IGHMBP2: variants seen among roughly 807,000 people sequenced by gnomAD.
IGHMBP2 encodes the protein DNA-binding protein SMUBP-2.
A neutral mutation model predicts 96.0 loss-of-function variants in IGHMBP2; 81 were observed. The observed-to-expected ratio is 0.84, with a 90% CI of 0.71 to 1.01. IGHMBP2 has a LOEUF of 1.01. IGHMBP2 is among the 50% of genes least tolerant of loss of function. IGHMBP2 has a pLI of 0.00. For synonymous variants in IGHMBP2, 557 were observed against 548.9 expected, an observed-to-expected ratio of 1.01 and a Z score of -0.21; for missense variants, 1,227 against 1,306.3, an observed-to-expected ratio of 0.94 and a Z score of 0.94.
chr11:68,933,658 C>G (rs1859406432), intron 9 of IGHMBP2, 137 bp from the exon 10 acceptor site: 2 of 990,082 alleles, frequency 2.0e-6, no homozygotes, highest in Admixed American at 4.0e-5. Flanking sequence ...CCCGCTCCCT[C>G]CCTTCTGATG....
At chr11:68,927,357 C>A (rs969558991) in intron 7 of IGHMBP2, among the ~76,000 whole-genome samples, 4 of 152,220 alleles carry the variant, frequency 2.6e-5, no homozygotes, top group Non-Finnish European at 5.9e-5. Flanking sequence ...CCCTGAACTC[C>A]TGGAGCCATA....
chr11:68,939,907 G>A lies in IGHMBP2; in HGVS notation c.*176G>A. ...GACCCCAGGGATAAGCTTTTCCGAT[G>A]TCACAATGTGGAGGAAAGCACCTGG... On this transcript the variant is annotated 3_prime_UTR_variant, in exon 15 of 15. Coordinates refer to ENST00000255078, the MANE Select transcript of IGHMBP2 (RefSeq NM_002180.3). The A allele has an allele frequency of 1.5e-6, 1 of 654,246 alleles. No homozygotes were observed. Among genetic ancestry groups the A allele is most frequent in the Non-Finnish European group, 2.6e-6 (1 of 377,734 alleles). 40.5% of individuals were successfully genotyped at this position (654,246 alleles called of 1,614,324 possible). A position where few individuals can be genotyped will look rare whatever the true frequency, so the allele number is the denominator to read the frequency against.
chr11:68,920,097 C>G (rs1858824852), intron 7 of IGHMBP2, among the ~76,000 whole-genome samples: 1 of 152,180 alleles, frequency 6.6e-6, no homozygotes, highest in Admixed American at 6.5e-5. Flanking sequence ...TCACCATTCT[C>G]CTGTCTGTTT....
At position 68,933,315 on chromosome 11, in the gene IGHMBP2, C is replaced by T; in HGVS notation, c.1252C>T (p.Leu418=). The T allele has an allele frequency of 6.2e-7, 1 of 1,612,912 alleles. No homozygotes were observed. The highest frequency in any genetic ancestry group is 8.5e-7 in the Non-Finnish European group (1 of 1,179,884). Residue 418 remains leucine, a synonymous_variant, in exon 9 of 15, where the codon CTG becomes TTG. Transcript: ENST00000255078. ...TVSHKAALAG[L]SLSLMERLAE... ...TGGGCGCAGGGCTGCGCTGGCAGGA[C>T]TGTCACTCAGCCTGATGGAACGCCT...
At chr11:68,911,128 C>T (rs1184611469) in intron 4 of IGHMBP2, among the ~76,000 whole-genome samples, 1 of 152,024 alleles carries the variant, frequency 6.6e-6, no homozygotes. Flanking sequence ...ACTCTGTGGG[C>T]CATATCATAC....
chr11:68,919,242 TCCTC>T (rs1858789566), intron 7 of IGHMBP2, among the ~76,000 whole-genome samples: 4 of 142,556 alleles, frequency 2.8e-5, no homozygotes, highest in Non-Finnish European at 4.6e-5. Context: ...TCCTCTCCTC[TCCTC>T]TCCTCTCTTC....
intron 14 of IGHMBP2, 112 bp downstream of exon 14, chr11:68,938,466 A>G (rs2154009152): frequency 3.3e-6 from 3 of 919,462 alleles, no homozygotes; most frequent in Non-Finnish European, 3.3e-6. Context: ...AGCTCCTTAC[A>G]ATCTCCAGAT....
At chr11:68,931,829 A>T (rs1001340193) in intron 8 of IGHMBP2, among the ~76,000 whole-genome samples, 2 of 152,062 alleles carry the variant, frequency 1.3e-5, no homozygotes, top group Admixed American at 1.3e-4. Flanking sequence ...GGAAGTTTGG[A>T]ACTGTGCCCT....
Position 68,911,557 on chromosome 11 carries a change from C to T in IGHMBP2, c.665C>T (p.Thr222Met), listed in dbSNP as rs745416724. Residue 222 changes from threonine to methionine, a missense_variant, in exon 5 of 15, where the codon ACG becomes ATG. By Grantham distance (81) the Thr-to-Met change is moderately conservative. Coordinates refer to ENST00000255078, the MANE Select transcript of IGHMBP2 (RefSeq NM_002180.3). Reference sequence around the variant, plus strand: ...GGACCTCCTGGCACTGGGAAAACCACGACTGTGGTTGAGATCATTCTTCAA... The same window carrying T: ...GGACCTCCTGGCACTGGGAAAACCATGACTGTGGTTGAGATCATTCTTCAA... ...IHGPPGTGKTTTVVEIILQAV... is the reference protein window; with the variant it reads ...IHGPPGTGKTMTVVEIILQAV... 9.3e-6 allele frequency: 15 copies of T among 1,614,184 alleles called. 1 individual carries two copies. Among genetic ancestry groups the T allele is most frequent in the Middle Eastern group, 1.7e-4 (1 of 6,058 alleles).
At chr11:68,923,384 G>T (rs1301319674) in intron 7 of IGHMBP2, among the ~76,000 whole-genome samples, 1 of 151,934 alleles carries the variant, frequency 6.6e-6, no homozygotes, top group African/African-American at 2.4e-5. Context: ...TGTATTTTTA[G>T]TAGAGGCGAG....
Position 68,911,578 on chromosome 11 carries a change from T to G in IGHMBP2, c.686T>G (p.Leu229Arg), listed in dbSNP as rs2154006946. Residue 229 changes from leucine to arginine, a missense_variant, in exon 5 of 15, where the codon CTT (leucine) becomes CGT (arginine). Leu to Arg is a moderately radical substitution (Grantham distance 102). This residue lies in a region of IGHMBP2 where 507 missense variants were observed against 496.9 expected (regional missense o/e 1.02). Transcript: ENST00000255078. Reference protein sequence around the residue: ...GKTTTVVEIILQAVKQGLKVL... With the variant: ...GKTTTVVEIIRQAVKQGLKVL... ...ACCACGACTGTGGTTGAGATCATTCTTCAAGCTGTGAAACAAGGCTTAAAG... is the reference window on the plus strand; with the variant it reads ...ACCACGACTGTGGTTGAGATCATTCGTCAAGCTGTGAAACAAGGCTTAAAG... 12 of 1,614,256 alleles carry G rather than the reference T, an allele frequency of 7.4e-6. No homozygotes were observed. Among genetic ancestry groups the G allele is most frequent in the Non-Finnish European group, 1.0e-5 (12 of 1,180,048 alleles).
chr11:68,922,361 TA>T (rs1226561879), intron 7 of IGHMBP2, among the ~76,000 whole-genome samples: 2 of 152,100 alleles, frequency 1.3e-5, no homozygotes, highest in Non-Finnish European at 2.9e-5. Flanking sequence ...TCACTGGTTT[TA>T]AGCAATTTGA....
intron 4 of IGHMBP2, among the ~76,000 whole-genome samples, chr11:68,910,625 T>C (rs1858391218): frequency 6.6e-6 from 1 of 152,218 alleles, no homozygotes; most frequent in African/African-American, 2.4e-5. Context: ...GGCTCACACC[T>C]TTAGTCCCAG....
chr11:68,908,414 CAA>C, intron 3 of IGHMBP2, 77 bp downstream of exon 3: 1 of 1,495,330 alleles, frequency 6.7e-7, no homozygotes, highest in Non-Finnish European at 9.3e-7. Context: ...GCCTGTCGCA[CAA>C]AAGAGAGCAA....
At chr11:68,925,291 G>A (rs534815175) in intron 7 of IGHMBP2, among the ~76,000 whole-genome samples, 172 of 151,960 alleles carry the variant, frequency 1.1e-3, no homozygotes, top group Non-Finnish European at 2.1e-3. Context: ...GATTGCAGGC[G>A]CATGCCACCA....
At chr11:68,931,461 G>C (rs761993710) in intron 8 of IGHMBP2, among the ~76,000 whole-genome samples, 26 of 152,154 alleles carry the variant, frequency 1.7e-4, no homozygotes, top group Non-Finnish European at 3.1e-4. Flanking sequence ...GATCCTACCT[G>C]TTCCCGGCTC....
intron 7 of IGHMBP2, among the ~76,000 whole-genome samples, chr11:68,925,397 C>T (rs1859029335): frequency 6.6e-6 from 1 of 152,070 alleles, no homozygotes; most frequent in African/African-American, 2.4e-5. Flanking sequence ...GATGTGCCCA[C>T]CTTGGCCTCC....
intron 8 of IGHMBP2, chr11:68,933,047 A>C: frequency 1.8e-6 from 1 of 560,866 alleles, no homozygotes; most frequent in Non-Finnish European, 3.2e-6. Context: ...TCCCCATCCC[A>C]GGATCCTTAA....
chr11:68,908,747 C>T (rs1858301583), intron 4 of IGHMBP2, 116 bp downstream of exon 4: 1 of 737,644 alleles, frequency 1.4e-6, no homozygotes, highest in Admixed American at 2.1e-5. Flanking sequence ...AAGAAGTCTC[C>T]CTGAACATCT....
Sources: allele counts gnomAD v4.1 joint callset (sites outside exome capture counted in the v4.1 genomes callset), GRCh38; gene constraint gnomAD v4.1.1; regional missense constraint gnomAD v4.1.1; transcripts MANE v1.5; gene names NCBI Gene and HGNC (gene_info 2026-07-23, HGNC 2026-07-21).